DNAH9: variants seen among roughly 807,000 people sequenced by gnomAD.
The protein encoded by DNAH9 is dynein axonemal heavy chain 9, also known as DNAH9 variant protein.
A neutral mutation model predicts 471.6 loss-of-function variants in DNAH9; 345 were observed. The ratio of observed to expected loss-of-function variants is 0.73; its 90% CI spans 0.67 to 0.80. The LOEUF (loss-of-function observed/expected upper bound fraction) is 0.80, where lower values mean the gene tolerates loss of function less well. Among genes scored for constraint, DNAH9 ranks in the 30% least tolerant of loss-of-function variants. The pLI, the probability that DNAH9 is intolerant of heterozygous loss-of-function variation, is 0.00. For synonymous variants in DNAH9, 2,093 were observed against 2,123.6 expected (o/e 0.99, Z 0.40); for missense variants, 5,407 against 5,609.2 (o/e 0.96, Z 1.15).
intron 53 of DNAH9, among the ~76,000 whole-genome samples, chr17:11,876,646 A>G (rs1269646811): frequency 1.3e-5 from 2 of 152,168 alleles, no homozygotes; most frequent in African/African-American, 4.8e-5. Context: ...TTTGCCAGGG[A>G]GTGCGAGGGA....
rs1966892480 is a variant in DNAH9 at position 11,746,672 on chromosome 17, C to T, written c.6400-884C>T. Among the ~76,000 whole-genome samples the T allele has an allele frequency of 2.0e-5, 3 of 152,238 alleles. 1 individual carries two copies. In the South Asian group the frequency reaches 6.2e-4, roughly 32 times the overall value. On this transcript the variant is annotated intron_variant, in intron 31 of 68. Coordinates refer to ENST00000262442, the MANE Select transcript of DNAH9 (RefSeq NM_001372.4). ...GTAGGGACACAAAGCCAAACCATAT[C>T]AACAAGTGATCCAGGAAAGGAATGA...
chr17:11,963,291 G>A (rs979208110), intron 68 of DNAH9, among the ~76,000 whole-genome samples: 15 of 151,966 alleles, frequency 9.9e-5, no homozygotes, highest in East Asian at 1.9e-4. Flanking sequence ...AAAATTAGCC[G>A]GGCATGGTGG....
At chr17:11,845,077 C>G (rs1971172240) in intron 49 of DNAH9, among the ~76,000 whole-genome samples, 1 of 150,882 alleles carries the variant, frequency 6.6e-6, no homozygotes, top group Non-Finnish European at 1.5e-5. Flanking sequence ...CATATGTATA[C>G]ATGTGCCATG....
rs750015142 is a variant in DNAH9, at chr17:11,894,198, C to G, written c.11284-176C>G. Among the ~76,000 whole-genome samples the G allele has an allele frequency of 6.2e-4, 95 of 152,178 alleles. 1 individual carries two copies. Among genetic ancestry groups the G allele is most frequent in the Non-Finnish European group, 1.3e-4 (9 of 68,042 alleles). On this transcript the variant is annotated intron_variant, in intron 58 of 68. Transcript: ENST00000262442. The stretch of plus-strand genomic sequence containing the variant: ...TATTTGGGGTGAAAATAGAGGGACA[C>G]AGTAGTAACGTGTGTGAATATACAC...
chr17:11,827,620 T>C (rs966258688), intron 48 of DNAH9, among the ~76,000 whole-genome samples: 29 of 152,076 alleles, frequency 1.9e-4, no homozygotes, highest in African/African-American at 7.0e-4. Flanking sequence ...GACCTGAAAT[T>C]TCTCAGGGAT....
chr17:11,664,838 C>A lies in DNAH9; in HGVS notation c.2601C>A (p.Asn867Lys). Reference sequence around the variant, plus strand: ...CTTTCTTCTTCCTTTTATAGGAAAACCTGGGTCTATTTTCAGCAGACCCAA... The same window carrying A: ...CTTTCTTCTTCCTTTTATAGGAAAAACTGGGTCTATTTTCAGCAGACCCAA... The part of the protein sequence containing the change: ...GLKIHALVQE[N>K]LGLFSADPTS... Residue 867 changes from asparagine to lysine, a missense_variant, in exon 15 of 69, where the codon AAC becomes AAA. By Grantham distance (94) the Asn-to-Lys change is moderately conservative. This residue lies in a region of DNAH9 where 4,636 missense variants were observed against 4,900.3 expected (regional missense o/e 0.95). Transcript: ENST00000262442. 6.2e-7 allele frequency: 1 copy of A among 1,612,346 alleles called. No homozygotes were observed. Among genetic ancestry groups the A allele is most frequent in the East Asian group, 2.2e-5 (1 of 44,862 alleles).
chr17:11,678,094 C>T (rs1269094368), intron 17 of DNAH9, among the ~76,000 whole-genome samples: 10 of 152,010 alleles, frequency 6.6e-5, no homozygotes, highest in African/African-American at 1.9e-4. Context: ...CTCGCTCTGT[C>T]GCCCAGGCTG....
At chr17:11,665,906 G>T (rs1448830735) in intron 15 of DNAH9, among the ~76,000 whole-genome samples, 1 of 152,208 alleles carries the variant, frequency 6.6e-6, no homozygotes, top group Non-Finnish European at 1.5e-5. Context: ...CCTACGTTGA[G>T]AATCCAGAGA....
Position 11,619,537 on chromosome 17 carries a change from T to G in DNAH9, c.1117-11T>G. 6.5e-7 allele frequency: 1 copy of G among 1,547,060 alleles called. No homozygotes were observed. The highest frequency in any genetic ancestry group is 8.9e-7 in the Non-Finnish European group (1 of 1,119,172). ...CACCTGCTCAGTGATACTAATCTGTTTGTATACCAGGCCTCTAATTATCTC... is the reference window on the plus strand; with the variant it reads ...CACCTGCTCAGTGATACTAATCTGTGTGTATACCAGGCCTCTAATTATCTC... On this transcript the variant is annotated splice_polypyrimidine_tract_variant and intron_variant, in intron 5 of 68. Coordinates refer to ENST00000262442, the MANE Select transcript of DNAH9 (RefSeq NM_001372.4).
At chr17:11,686,025 C>T (rs188503190) in intron 19 of DNAH9, among the ~76,000 whole-genome samples, 220 of 151,964 alleles carry the variant, frequency 1.4e-3, no homozygotes, top group African/African-American at 4.8e-3. Context: ...AGGATGGTCT[C>T]GATTTCCTGA....
At chr17:11,760,847 C>T (rs146001778) in intron 35 of DNAH9, among the ~76,000 whole-genome samples, 1 of 152,172 alleles carries the variant, frequency 6.6e-6, no homozygotes, top group Non-Finnish European at 1.5e-5. Context: ...AGCCACCCTG[C>T]GGATGGGGGA....
intron 36 of DNAH9, among the ~76,000 whole-genome samples, chr17:11,766,206 C>T (rs1187240451): frequency 6.6e-6 from 1 of 151,786 alleles, no homozygotes; most frequent in Non-Finnish European, 1.5e-5. Context: ...TCAAAATATT[C>T]ACATCAGGAA....
intron 39 of DNAH9, among the ~76,000 whole-genome samples, chr17:11,782,857 T>C (rs922793686): frequency 6.6e-6 from 1 of 152,070 alleles, no homozygotes; most frequent in African/African-American, 2.4e-5. Flanking sequence ...AGATCTGCCA[T>C]TGCACTCCAG....
intron 10 of DNAH9, among the ~76,000 whole-genome samples, chr17:11,640,684 CGTCTCCCTTTGACATCAT>C (rs1307400235): frequency 2.0e-5 from 3 of 152,176 alleles, no homozygotes; most frequent in African/African-American, 7.2e-5. Context: ...TTCTTCCACA[CGTCTCCCTTTGACATCAT>C]GTCTCCTTGC....
At chr17:11,697,336 A>G (rs1436989980) in intron 22 of DNAH9, among the ~76,000 whole-genome samples, 1 of 152,068 alleles carries the variant, frequency 6.6e-6, no homozygotes, top group Non-Finnish European at 1.5e-5. Context: ...CACAGTGATC[A>G]CCTCTCAATC....
At chr17:11,951,922 CA>C (rs200475331) in intron 67 of DNAH9, among the ~76,000 whole-genome samples, 2,182 of 109,116 alleles carry the variant, frequency 0.02, 30 homozygotes, top group East Asian at 0.082. Context: ...AACTCCATCT[CA>C]AAAAAAAAAA....
chr17:11,714,478 T>C (rs990102497), intron 26 of DNAH9, among the ~76,000 whole-genome samples: 1 of 152,192 alleles, frequency 6.6e-6, no homozygotes, highest in African/African-American at 2.4e-5. Context: ...GTTGCATTCA[T>C]GGTCACTCCT....
At chr17:11,967,034 C>CA (rs375839377) in intron 68 of DNAH9, among the ~76,000 whole-genome samples, 1,399 of 64,750 alleles carry the variant, frequency 0.022, 46 homozygotes, top group South Asian at 0.032. Flanking sequence ...GACTCCATCT[C>CA]AAAAAAAAAA....
At chr17:11,906,651 A>G (rs947452662) in intron 61 of DNAH9, among the ~76,000 whole-genome samples, 2 of 151,356 alleles carry the variant, frequency 1.3e-5, no homozygotes, top group African/African-American at 4.8e-5. Flanking sequence ...AAAAAAGAAA[A>G]TGTGATACAT....
Sources: gnomAD v4.1 joint callset for allele counts (sites outside exome capture counted in the v4.1 genomes callset) on GRCh38, gnomAD v4.1.1 for gene constraint, gnomAD v4.1.1 regional missense constraint, MANE v1.5 for transcripts, NCBI Gene and HGNC (gene_info 2026-07-23, HGNC 2026-07-21) for gene names.